The following EDA variants were observed in gnomAD, a reference collection of about 807,000 sequenced individuals.
The protein encoded by EDA is ectodysplasin A.
EDA carries 2 observed loss-of-function variants against 23.6 expected under a neutral mutation model. The ratio of observed to expected loss-of-function variants is 0.08; its 90% CI spans 0.03 to 0.27. The LOEUF (loss-of-function observed/expected upper bound fraction) is 0.27, where lower values mean the gene tolerates loss of function less well. Among genes scored for constraint, EDA ranks in the 10% least tolerant of loss-of-function variants. EDA has a pLI of 1.00. For synonymous variants in EDA, 131 were observed against 132.0 expected (o/e 0.99, Z 0.05); for missense variants, 229 against 324.2 (o/e 0.71, Z 2.26).
chrX:69,882,949 C>G (rs895002757), intron 1 of EDA, among the ~76,000 whole-genome samples: 1 of 111,988 alleles, frequency 8.9e-6, no homozygotes, highest in Non-Finnish European at 1.9e-5. Context: ...TGATCCACCC[C>G]CCAATCCCTT....
intron 1 of EDA, among the ~76,000 whole-genome samples, chrX:69,805,105 C>T (rs1469196462): frequency 9.0e-6 from 1 of 111,304 alleles, no homozygotes; most frequent in Non-Finnish European, 1.9e-5. Flanking sequence ...TCTGGGAGTG[C>T]TTAGAGGTGA....
intron 2 of EDA, among the ~76,000 whole-genome samples, chrX:70,014,517 A>C (rs1483994838): frequency 1.8e-5 from 2 of 112,199 alleles, no homozygotes; most frequent in Non-Finnish European, 3.8e-5. Context: ...TGGCAATTCA[A>C]AAAGCCAGAG....
intron 1 of EDA, among the ~76,000 whole-genome samples, chrX:69,767,545 G>T (rs1479417253): frequency 9.2e-6 from 1 of 109,022 alleles, no homozygotes; most frequent in Non-Finnish European, 1.9e-5. Flanking sequence ...TATATAAATA[G>T]TTCATTCCTT....
chrX:69,703,104 C>A (rs907077152), intron 1 of EDA, among the ~76,000 whole-genome samples: 18 of 111,098 alleles, frequency 1.6e-4, no homozygotes, highest in Non-Finnish European at 3.4e-4. Context: ...CAATTGTCAC[C>A]GCTGCCTTTT....
intron 1 of EDA, among the ~76,000 whole-genome samples, chrX:69,784,572 T>C (rs2015083644): frequency 1.9e-5 from 2 of 103,828 alleles, no homozygotes; most frequent in African/African-American, 6.9e-5. Context: ...TGCTTGTTTT[T>C]CTCAGGTTTG....
chrX:69,974,325 A>G (rs2225122), intron 2 of EDA, among the ~76,000 whole-genome samples: 9,809 of 110,516 alleles, frequency 0.089, 845 homozygotes, highest in East Asian at 0.61. Context: ...TTCAATAATA[A>G]TGCTGGGATA....
At chrX:69,709,515 A>G (rs1194136387) in intron 1 of EDA, among the ~76,000 whole-genome samples, 3 of 111,890 alleles carry the variant, frequency 2.7e-5, no homozygotes, top group African/African-American at 9.7e-5. Context: ...TAAACTCAGG[A>G]TATAAAAACA....
chrX:69,871,116 C>G (rs1183973655), intron 1 of EDA, among the ~76,000 whole-genome samples: 1 of 111,540 alleles, frequency 9.0e-6, no homozygotes, highest in East Asian at 2.8e-4. Context: ...GCATAACTCT[C>G]TAAACAGTTT....
At chrX:70,014,886 C>T (rs1210166732) in intron 2 of EDA, among the ~76,000 whole-genome samples, 2 of 111,956 alleles carry the variant, frequency 1.8e-5, no homozygotes, top group African/African-American at 3.2e-5. Flanking sequence ...TTTAAAAGAA[C>T]GAGCAAAACC....
At chrX:69,948,283 C>A (rs1342084398) in intron 1 of EDA, among the ~76,000 whole-genome samples, 1 of 111,912 alleles carries the variant, frequency 8.9e-6, no homozygotes, top group African/African-American at 3.2e-5. Flanking sequence ...CATTGTTGGG[C>A]AGTGATTTTT....
In EDA at chrX:70,035,831, A is replaced by G; in HGVS notation, c.*222A>G. On this transcript the variant is annotated 3_prime_UTR_variant, in exon 8 of 8. Transcript: ENST00000374552. Reference sequence around the variant, plus strand: ...GACAGTTGATGGAGCCCCAGGGTTTACATGAAGCAGAACCTTCTTTGGTTC... The same window carrying G: ...GACAGTTGATGGAGCCCCAGGGTTTGCATGAAGCAGAACCTTCTTTGGTTC... 1 of 444,168 alleles carries G rather than the reference A, an allele frequency of 2.3e-6. No homozygotes were observed. 36.6% of individuals were successfully genotyped at this position (444,168 alleles called of 1,213,427 possible). A position where few individuals can be genotyped will look rare whatever the true frequency, so the allele number is the denominator to read the frequency against.
intron 1 of EDA, among the ~76,000 whole-genome samples, chrX:69,789,968 G>T (rs2015352630): frequency 9.0e-6 from 1 of 111,708 alleles, no homozygotes; most frequent in South Asian, 3.7e-4. Flanking sequence ...TGATTCCCAG[G>T]CCTGTTTAAA....
At chrX:69,931,866 CG>C (rs1363642942) in intron 1 of EDA, among the ~76,000 whole-genome samples, 1 of 111,811 alleles carries the variant, frequency 8.9e-6, no homozygotes, top group Non-Finnish European at 1.9e-5. Flanking sequence ...GAAATAAAAG[CG>C]TATGTCCACA....
At chrX:69,794,388 T>C (rs2015492256) in intron 1 of EDA, among the ~76,000 whole-genome samples, 1 of 112,096 alleles carries the variant, frequency 8.9e-6, no homozygotes, top group Admixed American at 9.5e-5. Flanking sequence ...TATTTGGAAA[T>C]AATTTAGACC....
intron 1 of EDA, among the ~76,000 whole-genome samples, chrX:69,731,997 A>G (rs917179765): frequency 9.0e-6 from 1 of 110,999 alleles, no homozygotes; most frequent in Non-Finnish European, 1.9e-5. Context: ...TGCCTAATAT[A>G]TTTTTTGTGC....
chrX:69,949,662 C>A (rs757699917), intron 1 of EDA, among the ~76,000 whole-genome samples: 16 of 109,549 alleles, frequency 1.5e-4, no homozygotes, highest in Admixed American at 4.9e-4. Context: ...CAATTAGAGT[C>A]AAAAAAAAAT....
chrX:69,895,571 C>A (rs2147637113), intron 1 of EDA, among the ~76,000 whole-genome samples: 1 of 111,695 alleles, frequency 9.0e-6, no homozygotes, highest in Non-Finnish European at 1.9e-5. Flanking sequence ...CCCGTTTTGA[C>A]TATAAACAGG....
At chrX:69,710,764 G>A (rs1250602944) in intron 1 of EDA, among the ~76,000 whole-genome samples, 2 of 111,399 alleles carry the variant, frequency 1.8e-5, no homozygotes, top group Non-Finnish European at 3.8e-5. Context: ...TTGTGAATGG[G>A]AGTTCACTCA....
chrX:69,839,230 T>C (rs1276052695), intron 1 of EDA, among the ~76,000 whole-genome samples: 1 of 112,024 alleles, frequency 8.9e-6, no homozygotes, highest in East Asian at 2.8e-4. Flanking sequence ...CATGCTCATT[T>C]CCCTTTGCTT....
Sources: gnomAD v4.1 joint callset for allele counts (sites outside exome capture counted in the v4.1 genomes callset) on GRCh38, gnomAD v4.1.1 for gene constraint, MANE v1.5 for transcripts, NCBI Gene and HGNC (gene_info 2026-07-23, HGNC 2026-07-21) for gene names.